Variants in DSE observed in about 807,000 individuals in gnomAD.
The protein encoded by DSE is dermatan-sulfate epimerase.
A neutral mutation model predicts 84.4 loss-of-function variants in DSE; 36 were observed. That is an observed-to-expected ratio of 0.43 (90% CI 0.33 to 0.56). The LOEUF (loss-of-function observed/expected upper bound fraction) is 0.56, where lower values mean the gene tolerates loss of function less well. DSE is among the 20% of genes least tolerant of loss of function. DSE has a pLI of 0.06. For synonymous variants in DSE, 410 were observed against 430.1 expected (o/e 0.95, Z 0.58); for missense variants, 862 against 1,169.6 (o/e 0.74, Z 3.84).
intron 2 of DSE, among the ~76,000 whole-genome samples, chr6:116,363,219 A>T (rs2114885341): frequency 6.6e-6 from 1 of 152,168 alleles, no homozygotes; most frequent in South Asian, 2.1e-4. Context: ...GACTGATCAG[A>T]AAGTGAGATA....
intron 2 of DSE, among the ~76,000 whole-genome samples, chr6:116,318,267 G>A (rs375049439): frequency 6.6e-6 from 1 of 152,280 alleles, no homozygotes; most frequent in Non-Finnish European, 1.5e-5. Context: ...AACACTTTGG[G>A]AGGCCAAGGC....
At chr6:116,363,999 T>C (rs541404383) in intron 2 of DSE, among the ~76,000 whole-genome samples, 1 of 152,330 alleles carries the variant, frequency 6.6e-6, no homozygotes, top group African/African-American at 2.4e-5. Flanking sequence ...AGGCTTGACT[T>C]CTCCTTCCAC....
upstream of DSE, chr6:116,366,514 AGTAATTTTT>A (rs1181690029): frequency 2.0e-5 from 3 of 152,248 alleles, no homozygotes; most frequent in Admixed American, 6.5e-5. Flanking sequence ...AACAAATATC[AGTAATTTTT>A]GTAATTTCAG....
chr6:116,321,337 A>ATTTTT (rs66863151), intron 2 of DSE, among the ~76,000 whole-genome samples: 4 of 115,542 alleles, frequency 3.5e-5, no homozygotes, highest in African/African-American at 3.6e-5. Context: ...CTAATTTTTC[A>ATTTTT]TTTTTTTTTT....
intron 1 of DSE, chr6:116,375,553 A>C: frequency 1.0e-6 from 1 of 985,196 alleles, no homozygotes; most frequent in Non-Finnish European, 1.2e-6. Context: ...AATTTCTATC[A>C]TCTCACTTTA....
chr6:116,290,041 A>G (rs1368586592), intron 2 of DSE, among the ~76,000 whole-genome samples: 1 of 152,156 alleles, frequency 6.6e-6, no homozygotes, highest in Non-Finnish European at 1.5e-5. Context: ...TTACATAGGT[A>G]GTATTCACCC....
At chr6:116,325,588 TTAAGA>T (rs1288789891) in intron 2 of DSE, among the ~76,000 whole-genome samples, 1 of 152,166 alleles carries the variant, frequency 6.6e-6, no homozygotes, top group Non-Finnish European at 1.5e-5. Flanking sequence ...TCCTGCCAAG[TTAAGA>T]TGTTTATACA....
intron 2 of DSE, among the ~76,000 whole-genome samples, chr6:116,265,672 G>A (rs1463368725): frequency 6.6e-6 from 1 of 152,108 alleles, no homozygotes; most frequent in Non-Finnish European, 1.5e-5. Context: ...AGACCACCCT[G>A]CAAGCAGGAA....
At chr6:116,385,200 G>C (rs576410108) in intron 1 of DSE, among the ~76,000 whole-genome samples, 20 of 152,326 alleles carry the variant, frequency 1.3e-4, no homozygotes, top group African/African-American at 4.1e-4. Flanking sequence ...CAGAGAGGCA[G>C]TATGGCCAGG....
chr6:116,411,433 G>A (rs1158941778), intron 2 of DSE, among the ~76,000 whole-genome samples: 1 of 152,212 alleles, frequency 6.6e-6, no homozygotes, highest in Non-Finnish European at 1.5e-5. Flanking sequence ...CATTGTGCAG[G>A]CTGCACTCTG....
At chr6:116,314,007 A>G (rs1012382705) in intron 2 of DSE, among the ~76,000 whole-genome samples, 2 of 152,222 alleles carry the variant, frequency 1.3e-5, no homozygotes, top group Non-Finnish European at 2.9e-5. Flanking sequence ...GAGAAAACCA[A>G]CTTACATCAG....
chr6:116,279,375 C>G, intron 2 of DSE: 12 of 1,612,566 alleles, frequency 7.4e-6, no homozygotes, highest in Non-Finnish European at 1.0e-5. Flanking sequence ...TCACCTCCTC[C>G]GCCTCAGCCT....
intron 2 of DSE, among the ~76,000 whole-genome samples, chr6:116,417,835 C>T (rs1243644393): frequency 1.3e-5 from 2 of 152,148 alleles, no homozygotes; most frequent in Non-Finnish European, 2.9e-5. Flanking sequence ...TTGTCCATTT[C>T]TGTGTACTCT....
At chr6:116,361,125 T>C (rs1001682574) in intron 2 of DSE, among the ~76,000 whole-genome samples, 3 of 152,152 alleles carry the variant, frequency 2.0e-5, no homozygotes, top group Non-Finnish European at 4.4e-5. Flanking sequence ...AGTGGCGTGA[T>C]CTCGGCTGAC....
chr6:116,433,701 C>T, intron 5 of DSE, 151 bp downstream of exon 5: 1 of 869,194 alleles, frequency 1.2e-6, no homozygotes, highest in East Asian at 2.7e-5. Flanking sequence ...TTCAATTCAA[C>T]TCATATCACT....
intron 1 of DSE, among the ~76,000 whole-genome samples, chr6:116,377,583 AGACTG>A (rs1401216443): frequency 2.0e-5 from 3 of 152,214 alleles, no homozygotes; most frequent in African/African-American, 7.2e-5. Context: ...GTAGTCCTTT[AGACTG>A]GGGTACTGAA....
Position 116,426,706 on chromosome 6 carries a change from T to C in DSE, c.549T>C (p.Asn183=). Residue 183 remains asparagine, a synonymous_variant, in exon 3 of 6, where the codon AAT becomes AAC. Transcript: ENST00000644252. ...AGAAGTTTCTTGAAGTGATTGCCAA[T>C]GCCTCAGGGTATATGTATGAAACTT... The part of the protein sequence containing the change: ...QQEKFLEVIA[N]ASGYMYETSY... 6 of 1,614,202 alleles carry C rather than the reference T, an allele frequency of 3.7e-6. No homozygotes were observed. Among genetic ancestry groups the C allele is most frequent in the Non-Finnish European group, 5.1e-6 (6 of 1,180,040 alleles).
intron 2 of DSE, among the ~76,000 whole-genome samples, chr6:116,415,024 A>G (rs1782609390): frequency 6.6e-6 from 1 of 152,210 alleles, no homozygotes; most frequent in African/African-American, 2.4e-5. Context: ...GGTCTGCTGT[A>G]CAGCCATCTT....
chr6:116,279,854 C>T, intron 2 of DSE: 1 of 1,613,072 alleles, frequency 6.2e-7, no homozygotes, highest in South Asian at 1.1e-5. Context: ...GGACCAACCG[C>T]AGGCGAACGC....
Sources: allele counts gnomAD v4.1 joint callset (sites outside exome capture counted in the v4.1 genomes callset), GRCh38; gene constraint gnomAD v4.1.1; transcripts MANE v1.5; gene names NCBI Gene and HGNC (gene_info 2026-07-23, HGNC 2026-07-21).